Variants in PRKD1 observed in about 807,000 individuals in gnomAD.
The protein encoded by PRKD1 is serine/threonine-protein kinase D1.
In PRKD1, 63 loss-of-function variants were observed where a neutral mutation model predicts 95.9. The ratio of observed to expected loss-of-function variants is 0.66; its 90% CI spans 0.54 to 0.81. The LOEUF (loss-of-function observed/expected upper bound fraction) is 0.81. Ranked by LOEUF, PRKD1 falls within the 30% of genes least tolerant of loss-of-function variation. The pLI is 0.00. For missense variants in PRKD1, 1,048 were observed against 1,165.3 expected, an observed-to-expected ratio of 0.90 and a Z score of 1.47; for synonymous variants, 425 against 423.1, an observed-to-expected ratio of 1.00 and a Z score of -0.05.
intron 1 of PRKD1, among the ~76,000 whole-genome samples, chr14:29,737,004 A>G (rs1886747451): frequency 6.6e-6 from 1 of 152,142 alleles, no homozygotes; most frequent in Non-Finnish European, 1.5e-5. Flanking sequence ...ACAAAACGGA[A>G]AGAGAGACAT....
In PRKD1 at chr14:29,923,192, T is replaced by C. The variant is rs189215779; in HGVS notation, c.264+4057A>G. Among the ~76,000 whole-genome samples, 466 of 145,486 alleles carry C rather than the reference T, an allele frequency of 3.2e-3. 1 individual carries two copies. The highest frequency in any genetic ancestry group is 4.6e-3 in the Non-Finnish European group (311 of 67,258). ...CTGCAGTGAGCTGTAATTGTGCTAC[T>C]GCACTCCAGCCTGGGCAAGAGAGTG... is the stretch of plus-strand genomic sequence containing the variant. On this transcript the variant is annotated intron_variant, in intron 1 of 17. Coordinates refer to ENST00000331968, the MANE Select transcript of PRKD1 (RefSeq NM_002742.3).
At chr14:29,800,966 A>C (rs1890003267) in intron 1 of PRKD1, among the ~76,000 whole-genome samples, 1 of 152,202 alleles carries the variant, frequency 6.6e-6, no homozygotes, top group Non-Finnish European at 1.5e-5. Context: ...TTGAGAGTTT[A>C]AAGTAATGCA....
At chr14:29,611,769 G>T (rs1878488707) in intron 13 of PRKD1, among the ~76,000 whole-genome samples, 1 of 148,788 alleles carries the variant, frequency 6.7e-6, no homozygotes, top group Non-Finnish European at 1.5e-5. Context: ...AACAAACGCT[G>T]GAATCTACAT....
Position 29,626,525 on chromosome 14 carries a change from T to C in PRKD1, c.1757A>G (p.Asp586Gly), listed in dbSNP as rs201249852. 1 of 1,612,204 alleles carries C rather than the reference T, an allele frequency of 6.2e-7. No individual in the cohort carries two copies. The highest frequency in any genetic ancestry group is 8.5e-7 in the Non-Finnish European group (1 of 1,179,224). The change falls in exon 12 of 18, where the codon GAT (aspartate) becomes GGT (glycine). Residue 586 changes from aspartate to glycine, a missense_variant. By Grantham distance (94) the Asp-to-Gly change is moderately conservative (BLOSUM62 -1). Around this residue, in one of 3 missense-constraint regions of PRKD1, gnomAD observed 739 missense variants for 861.9 expected, o/e 0.86. Transcript: ENST00000331968. ...DISTVYQIFP[D>G]EVLGSGQFGI... ...AAACTGTCCAGAACCCAGTACTTCA[T>C]CAGGAAAAATCTGATATACTGTGCT...
At chr14:29,797,075 T>G (rs887433962) in intron 1 of PRKD1, among the ~76,000 whole-genome samples, 1 of 152,190 alleles carries the variant, frequency 6.6e-6, no homozygotes, top group African/African-American at 2.4e-5. Context: ...GAAGAAAGTA[T>G]TGTTACCTAG....
intron 1 of PRKD1, among the ~76,000 whole-genome samples, chr14:29,818,904 C>T (rs1319965417): frequency 6.6e-6 from 1 of 151,638 alleles, no homozygotes; most frequent in African/African-American, 2.4e-5. Context: ...ATAGTAATAA[C>T]CCATTAGTAC....
chr14:29,850,825 C>G (rs1426960069), intron 1 of PRKD1, among the ~76,000 whole-genome samples: 1 of 151,516 alleles, frequency 6.6e-6, no homozygotes, highest in African/African-American at 2.4e-5. Flanking sequence ...TGACTTCAAA[C>G]CAAACTACTC....
At chr14:29,876,662 G>A (rs1594595426) in intron 1 of PRKD1, among the ~76,000 whole-genome samples, 1 of 148,498 alleles carries the variant, frequency 6.7e-6, no homozygotes, top group Admixed American at 6.7e-5. Flanking sequence ...TCATATATAA[G>A]GCCAAACTCT....
chr14:29,904,874 T>C (rs1003511154), intron 1 of PRKD1, among the ~76,000 whole-genome samples: 20 of 152,186 alleles, frequency 1.3e-4, no homozygotes, highest in Admixed American at 1.2e-3. Flanking sequence ...TATTGTAAAA[T>C]CATCGGTCTA....
At chr14:29,914,775 T>C (rs1470068841) in intron 1 of PRKD1, among the ~76,000 whole-genome samples, 2 of 150,576 alleles carry the variant, frequency 1.3e-5, no homozygotes, top group Non-Finnish European at 2.9e-5. Context: ...CACTTTTCTT[T>C]TCTTTTTTTT....
At chr14:29,660,858 G>A (rs1882149516) in intron 4 of PRKD1, among the ~76,000 whole-genome samples, 1 of 151,930 alleles carries the variant, frequency 6.6e-6, no homozygotes, top group Non-Finnish European at 1.5e-5. Flanking sequence ...GTGTATTAAT[G>A]TGTTCCACTT....
In PRKD1 at chr14:29,632,917, G is replaced by A; in HGVS notation, c.1344C>T (p.Ser448=). 2.5e-6 allele frequency: 4 copies of A among 1,613,732 alleles called. No homozygotes were observed. The highest frequency in any genetic ancestry group is 3.4e-6 in the Non-Finnish European group (4 of 1,179,710). ...CATTCTGAAAGAGGGTAATACATTTGCTATCCAATCTCCAATAGTGCCGTT... is the reference window on the plus strand; with the variant it reads ...CATTCTGAAAGAGGGTAATACATTTACTATCCAATCTCCAATAGTGCCGTT... ...LRKRHYWRLD[S]KCITLFQNDT... The change falls in exon 9 of 18, where the codon AGC becomes AGT. Residue 448 remains serine (S), a synonymous_variant. Transcript: ENST00000331968.
At chr14:29,903,531 G>A (rs45544035) in intron 1 of PRKD1, among the ~76,000 whole-genome samples, 290 of 152,258 alleles carry the variant, frequency 1.9e-3, no homozygotes, top group Non-Finnish European at 3.4e-3. Context: ...TAAGAGAACT[G>A]TAAAAGGTAG....
At position 29,734,028 on chromosome 14, in the gene PRKD1, C is replaced by CTTTTTTTTTTTT. The variant is rs58908662; in HGVS notation, c.265-8366_265-8355dup. On this transcript the variant is annotated intron_variant, in intron 1 of 17. Coordinates refer to ENST00000331968, the MANE Select transcript of PRKD1 (RefSeq NM_002742.3). Reference sequence around the variant, plus strand: ...CTGGTTTTGAGTCATACTTTCCTGCCTTTTTTTTTTTTTTTTTTTTTTTTT... The same window carrying CTTTTTTTTTTTT: ...CTGGTTTTGAGTCATACTTTCCTGCCTTTTTTTTTTTTTTTTTTTTTTTTTTTTTTTTTTTTT... Among the ~76,000 whole-genome samples the CTTTTTTTTTTTT allele has an allele frequency of 1.1e-3, 72 of 64,668 alleles. 15 individuals carry two copies. The highest frequency in any genetic ancestry group is 4.9e-3 in the African/African-American group (62 of 12,728). 42.4% of individuals were successfully genotyped at this position (64,668 alleles called of 152,430 possible).
At chr14:29,582,972 G>A (rs1892799254) in intron 16 of PRKD1, among the ~76,000 whole-genome samples, 1 of 152,144 alleles carries the variant, frequency 6.6e-6, no homozygotes, top group Admixed American at 6.5e-5. Context: ...AAGAAAGTAA[G>A]GAGTGGAGCA....
At chr14:29,891,440 C>T (rs748253803) in intron 1 of PRKD1, among the ~76,000 whole-genome samples, 5 of 152,214 alleles carry the variant, frequency 3.3e-5, no homozygotes, top group South Asian at 4.1e-4. Flanking sequence ...CATGCATGCA[C>T]GCATGCACTA....
intron 13 of PRKD1, among the ~76,000 whole-genome samples, chr14:29,612,053 G>A (rs1408581193): frequency 5.3e-5 from 8 of 152,122 alleles, no homozygotes. Flanking sequence ...GCTAAATAAT[G>A]TGTGCAGACA....
At chr14:29,746,531 T>TACAC (rs143019466) in intron 1 of PRKD1, among the ~76,000 whole-genome samples, 101 of 149,470 alleles carry the variant, frequency 6.8e-4, no homozygotes, top group South Asian at 4.7e-3. Context: ...TGTACATATA[T>TACAC]ACACACACAC....
intron 1 of PRKD1, among the ~76,000 whole-genome samples, chr14:29,767,443 G>A (rs992268392): frequency 6.6e-6 from 1 of 152,128 alleles, no homozygotes; most frequent in Non-Finnish European, 1.5e-5. Flanking sequence ...ACCTTTTGGA[G>A]CCATGCAAAA....
Sources: gnomAD v4.1 joint callset for allele counts (sites outside exome capture counted in the v4.1 genomes callset) on GRCh38, gnomAD v4.1.1 for gene constraint, gnomAD v4.1.1 regional missense constraint, MANE v1.5 for transcripts, NCBI Gene and HGNC (gene_info 2026-07-23, HGNC 2026-07-21) for gene names.